SP110: variants seen among roughly 807,000 people sequenced by gnomAD.
SP110 encodes interferon-induced protein 41, 30kD.
In SP110, 62 loss-of-function variants were observed where a neutral mutation model predicts 92.7. The ratio of observed to expected loss-of-function variants is 0.67; its 90% CI spans 0.55 to 0.83. The LOEUF is 0.83. SP110 is among the 40% of genes least tolerant of loss of function. The pLI is 0.00. For missense variants in SP110, 793 were observed against 863.9 expected, an observed-to-expected ratio of 0.92 and a Z score of 1.03; for synonymous variants, 273 against 305.3, an observed-to-expected ratio of 0.89 and a Z score of 1.10.
chr2:230,200,819 G>GT (rs2043103387), intron 10 of SP110, 66 bp downstream of exon 10: 1 of 1,218,164 alleles, frequency 8.2e-7, no homozygotes, highest in Non-Finnish European at 1.2e-6. Context: ...TTGCCTCAGT[G>GT]TAAGACAGCT....
At chr2:230,202,804 T>C (rs2043313143) in intron 8 of SP110, 76 bp from the exon 9 acceptor site, 3 of 1,367,830 alleles carry the variant, frequency 2.2e-6, no homozygotes, top group Non-Finnish European at 3.1e-6. Context: ...ATCAGTGACT[T>C]CCCTTCTCAT....
intron 7 of SP110, 131 bp downstream of exon 7, chr2:230,209,800 G>A (rs1475557758): frequency 4.2e-6 from 3 of 722,858 alleles, no homozygotes; most frequent in Non-Finnish European, 7.5e-6. Flanking sequence ...AATGGAAACT[G>A]CAGAAACGAA....
At chr2:230,189,894 T>C (rs1254276118) in intron 10 of SP110, among the ~76,000 whole-genome samples, 5 of 152,216 alleles carry the variant, frequency 3.3e-5, no homozygotes, top group Non-Finnish European at 7.3e-5. Context: ...TATGGCTGCA[T>C]AGTGTTCCAT....
Position 230,202,545 on chromosome 2 carries a change from C to A in SP110, c.1048+34G>T, listed in dbSNP as rs781125528. ...TCAGGAGAGACCCTCCCACACTGAG[C>A]CATTCAAATGGCAGATTCCATCATC... is the stretch of plus-strand genomic sequence containing the variant. On this transcript the variant is annotated intron_variant, in intron 9 of 18. Coordinates refer to ENST00000258381, the MANE Select transcript of SP110 (RefSeq NM_080424.4). 1.1e-5 allele frequency: 18 copies of A among 1,609,804 alleles called. No homozygotes were observed. The South Asian group carries it at 1.8e-4, about 16-fold the overall frequency.
chr2:230,193,519 T>TC (rs1428182398), intron 10 of SP110, among the ~76,000 whole-genome samples: 1 of 152,242 alleles, frequency 6.6e-6, no homozygotes, highest in Non-Finnish European at 1.5e-5. Context: ...GAGTTAGAAC[T>TC]CCTTTTGGCA....
intron 14 of SP110, among the ~76,000 whole-genome samples, chr2:230,174,861 C>T (rs767090685): frequency 6.6e-6 from 1 of 152,238 alleles, no homozygotes; most frequent in African/African-American, 2.4e-5. Flanking sequence ...GGGCAAGGCC[C>T]GCACTGGCTC....
intron 5 of SP110, 147 bp downstream of exon 5, chr2:230,212,200 T>G (rs1480675200): frequency 1.4e-6 from 1 of 700,770 alleles, no homozygotes; most frequent in African/African-American, 1.8e-5. Flanking sequence ...ATTGCTGCGT[T>G]GGTGAATTGG....
At chr2:230,220,444 C>T (rs1574821319), upstream of SP110, among the ~76,000 whole-genome samples, 1 of 152,128 alleles carries the variant, frequency 6.6e-6, no homozygotes, top group African/African-American at 2.4e-5. Flanking sequence ...CCAGAAATGC[C>T]TAGAACTTGT....
At chr2:230,183,019 A>C (rs1265336197) in intron 12 of SP110, among the ~76,000 whole-genome samples, 3 of 152,222 alleles carry the variant, frequency 2.0e-5, no homozygotes, top group African/African-American at 4.8e-5. Flanking sequence ...AATGAATAAA[A>C]AGGGCCAGTG....
At chr2:230,193,511 G>C (rs1478000880) in intron 10 of SP110, among the ~76,000 whole-genome samples, 2 of 152,168 alleles carry the variant, frequency 1.3e-5, no homozygotes, top group Non-Finnish European at 2.9e-5. Context: ...CGTTTCAAGA[G>C]TTAGAACTCC....
At chr2:230,180,668 C>T (rs1328963300) in intron 12 of SP110, among the ~76,000 whole-genome samples, 3 of 152,078 alleles carry the variant, frequency 2.0e-5, no homozygotes, top group East Asian at 1.9e-4. Context: ...CAGTATCTAG[C>T]GCTCTTTCCA....
chr2:230,186,687 C>T (rs549943915), intron 10 of SP110, among the ~76,000 whole-genome samples: 5 of 152,198 alleles, frequency 3.3e-5, no homozygotes, highest in Admixed American at 1.3e-4. Flanking sequence ...CTCCATAATC[C>T]GTTATATCAC....
chr2:230,202,626 C>G lies in SP110; in HGVS notation c.1001G>C (p.Arg334Thr). The G allele has an allele frequency of 3.7e-6, 6 of 1,614,140 alleles. No individual in the cohort carries two copies. Among genetic ancestry groups the G allele is most frequent in the Non-Finnish European group, 5.1e-6 (6 of 1,179,990 alleles). The change falls in exon 9 of 19, where the codon AGG (arginine) becomes ACG (threonine). Residue 334 changes from arginine (R) to threonine (T), a missense_variant. Coordinates refer to ENST00000258381, the MANE Select transcript of SP110 (RefSeq NM_080424.4). ...ACATTCAGTTCTCGCCTTTTGGGCCCTTGTCTCTACCGTGGAGTTACAAGT... is the reference window on the plus strand; with the variant it reads ...ACATTCAGTTCTCGCCTTTTGGGCCGTTGTCTCTACCGTGGAGTTACAAGT... ...DSTCNSTVETRAQKARTECAR... is the reference protein window; with the variant it reads ...DSTCNSTVETTAQKARTECAR...
At chr2:230,194,264 C>T (rs576817487) in intron 10 of SP110, among the ~76,000 whole-genome samples, 14 of 152,030 alleles carry the variant, frequency 9.2e-5, no homozygotes, top group Admixed American at 4.6e-4. Context: ...CCCCACTGAC[C>T]GGCATATCTT....
At chr2:230,199,689 C>T (rs1320113469) in intron 10 of SP110, among the ~76,000 whole-genome samples, 3 of 151,966 alleles carry the variant, frequency 2.0e-5, no homozygotes, top group Non-Finnish European at 4.4e-5. Flanking sequence ...CCACAGAGAC[C>T]AAATAGTTTC....
intron 5 of SP110, 47 bp downstream of exon 5, chr2:230,212,300 T>A: frequency 7.1e-7 from 1 of 1,412,136 alleles, no homozygotes; most frequent in Non-Finnish European, 1.0e-6. Context: ...ATGTTCTCCC[T>A]TCACAGTCAC....
chr2:230,190,340 C>G (rs367628224), intron 10 of SP110, among the ~76,000 whole-genome samples: 1 of 60,182 alleles, frequency 1.7e-5, no homozygotes, highest in Non-Finnish European at 3.3e-5. Context: ...TTGTTGGCTA[C>G]GTAAATTTTT....
At chr2:230,198,034 T>A (rs2042958464) in intron 10 of SP110, among the ~76,000 whole-genome samples, 1 of 152,242 alleles carries the variant, frequency 6.6e-6, no homozygotes, top group African/African-American at 2.4e-5. Context: ...CAGTAACAAA[T>A]GAAACCAAAT....
At chr2:230,217,446 G>GA (rs2148957426) in intron 1 of SP110, among the ~76,000 whole-genome samples, 1 of 152,264 alleles carries the variant, frequency 6.6e-6, no homozygotes, top group East Asian at 1.9e-4. Context: ...GAGAGTGACT[G>GA]AAAATATAAT....
Sources: gnomAD v4.1 joint callset for allele counts (sites outside exome capture counted in the v4.1 genomes callset) on GRCh38, gnomAD v4.1.1 for gene constraint, MANE v1.5 for transcripts, NCBI Gene and HGNC (gene_info 2026-07-23, HGNC 2026-07-21) for gene names.